BLNK: variants seen among roughly 807,000 people sequenced by gnomAD.
BLNK encodes the protein B-cell linker protein.
A neutral mutation model predicts 73.5 loss-of-function variants in BLNK; 29 were observed. The ratio of observed to expected loss-of-function variants is 0.39; its 90% confidence interval spans 0.29 to 0.54. BLNK has a LOEUF of 0.54. Among genes scored for constraint, BLNK ranks in the 20% least tolerant of loss-of-function variants. The probability of loss-of-function intolerance (pLI) is 0.61; values close to 1 mark genes in which losing one functional copy is unlikely to be tolerated. For synonymous variants in BLNK, 176 were observed against 200.8 expected (o/e 0.88, Z 1.04); for missense variants, 460 against 562.8 (o/e 0.82, Z 1.85).
At chr10:96,204,875 A>C in intron 11 of BLNK, 1 of 430,154 alleles carries the variant, frequency 2.3e-6, no homozygotes, top group Non-Finnish European at 4.4e-6. Flanking sequence ...GTACATAGAG[A>C]CTGAACCCAC....
At chr10:96,248,285 C>A (rs1239156980) in intron 1 of BLNK, among the ~76,000 whole-genome samples, 3 of 152,124 alleles carry the variant, frequency 2.0e-5, no homozygotes, top group Non-Finnish European at 1.5e-5. Flanking sequence ...ACAAAGAAAT[C>A]TTACAACTCA....
At chr10:96,235,351 A>G (rs1040578963) in intron 3 of BLNK, among the ~76,000 whole-genome samples, 1 of 152,218 alleles carries the variant, frequency 6.6e-6, no homozygotes, top group Non-Finnish European at 1.5e-5. Flanking sequence ...TGCAATTCTC[A>G]GAACAATCTA....
intron 3 of BLNK, among the ~76,000 whole-genome samples, chr10:96,241,734 CTTT>C (rs34238526): frequency 1.1e-4 from 15 of 142,496 alleles, no homozygotes; most frequent in Admixed American, 7.0e-5. Flanking sequence ...TCTTTTCTTT[CTTT>C]TTTTTTTTTT....
intron 1 of BLNK, among the ~76,000 whole-genome samples, chr10:96,269,434 A>AC (rs766916503): frequency 4.7e-5 from 7 of 150,360 alleles, no homozygotes; most frequent in Non-Finnish European, 1.0e-4. Context: ...AAAAAAAAAA[A>AC]CATTTGGAAT....
At chr10:96,235,304 C>T (rs1269244749) in intron 3 of BLNK, among the ~76,000 whole-genome samples, 2 of 152,168 alleles carry the variant, frequency 1.3e-5, no homozygotes, top group Non-Finnish European at 2.9e-5. Context: ...GTAAAGGGCT[C>T]AATGAATGTT....
chr10:96,264,026 C>T (rs2134144688), intron 1 of BLNK, among the ~76,000 whole-genome samples: 1 of 152,216 alleles, frequency 6.6e-6, no homozygotes, highest in South Asian at 2.1e-4. Flanking sequence ...GCAGGTGAGG[C>T]CCATTTCTGG....
intron 1 of BLNK, among the ~76,000 whole-genome samples, chr10:96,250,299 CT>C (rs1321342288): frequency 6.6e-6 from 1 of 152,076 alleles, no homozygotes; most frequent in Non-Finnish European, 1.5e-5. Flanking sequence ...ATGCCAAACC[CT>C]TTTCTCCTTT....
intron 1 of BLNK, among the ~76,000 whole-genome samples, chr10:96,266,990 A>G (rs1844032917): frequency 6.6e-6 from 1 of 152,240 alleles, no homozygotes; most frequent in South Asian, 2.1e-4. Context: ...GGCAGCTGGG[A>G]AAACTGAGGT....
chr10:96,266,221 G>A (rs1843992108), intron 1 of BLNK, among the ~76,000 whole-genome samples: 1 of 152,184 alleles, frequency 6.6e-6, no homozygotes, highest in Admixed American at 6.5e-5. Context: ...GTAAATACAT[G>A]CCTGAAGAGT....
At chr10:96,262,857 G>A (rs958397890) in intron 1 of BLNK, among the ~76,000 whole-genome samples, 3 of 152,138 alleles carry the variant, frequency 2.0e-5, no homozygotes, top group Non-Finnish European at 2.9e-5. Flanking sequence ...TAAAACAAAC[G>A]TCTATGAAAA....
In BLNK at chr10:96,209,819, T is replaced by G; in HGVS notation, c.746+19A>C. 1 of 1,614,134 alleles carries G rather than the reference T, an allele frequency of 6.2e-7. No homozygotes were observed. Among genetic ancestry groups the G allele is most frequent in the Non-Finnish European group, 8.5e-7 (1 of 1,179,998 alleles). On this transcript the variant is annotated intron_variant, in intron 9 of 16. Transcript: ENST00000224337. ...CACTCCCCAGATCTCAAAAGCTGCT[T>G]CCTGCAACAGGTACTTACCCGGCCC...
At chr10:96,254,860 A>G (rs1554910605) in intron 1 of BLNK, among the ~76,000 whole-genome samples, 1 of 152,208 alleles carries the variant, frequency 6.6e-6, no homozygotes, top group African/African-American at 2.4e-5. Context: ...ATCAATTGGC[A>G]GTCTTTCTAC....
chr10:96,251,575 T>G (rs538704817), intron 1 of BLNK, among the ~76,000 whole-genome samples: 16 of 152,248 alleles, frequency 1.1e-4, no homozygotes, highest in African/African-American at 3.9e-4. Context: ...TCTAAAGTCA[T>G]AGAGAGAGAG....
intron 8 of BLNK, among the ~76,000 whole-genome samples, chr10:96,211,153 G>A (rs1398940592): frequency 1.3e-5 from 2 of 152,054 alleles, no homozygotes; most frequent in Admixed American, 1.3e-4. Context: ...AATGAGCCAC[G>A]GTGCCTGGCC....
At chr10:96,212,223 T>C (rs1321492184) in intron 8 of BLNK, among the ~76,000 whole-genome samples, 1 of 152,176 alleles carries the variant, frequency 6.6e-6, no homozygotes, top group Admixed American at 6.5e-5. Flanking sequence ...GACAGAGTTC[T>C]AGGGAAGGAT....
chr10:96,264,032 T>G (rs1457729581), intron 1 of BLNK, among the ~76,000 whole-genome samples: 1 of 152,180 alleles, frequency 6.6e-6, no homozygotes, highest in East Asian at 1.9e-4. Context: ...GAGGCCCATT[T>G]CTGGAGCAAC....
At chr10:96,204,954 T>C (rs1180806150) in intron 11 of BLNK, 4 of 338,362 alleles carry the variant, frequency 1.2e-5, no homozygotes, top group African/African-American at 2.2e-5. Context: ...AGCCACCCTC[T>C]AAACAACTCA....
intron 6 of BLNK, among the ~76,000 whole-genome samples, chr10:96,222,241 T>C (rs2084213979): frequency 6.6e-6 from 1 of 152,250 alleles, no homozygotes; most frequent in Non-Finnish European, 1.5e-5. Flanking sequence ...AATTTGGGCC[T>C]AGATGCTGCA....
intron 13 of BLNK, among the ~76,000 whole-genome samples, chr10:96,202,746 C>T (rs2083678444): frequency 6.6e-6 from 1 of 152,170 alleles, no homozygotes; most frequent in Admixed American, 6.5e-5. Flanking sequence ...CCTAGGTGCA[C>T]AGTGCAGGGC....
Sources: gnomAD v4.1 joint callset for allele counts (sites outside exome capture counted in the v4.1 genomes callset) on GRCh38, gnomAD v4.1.1 for gene constraint, MANE v1.5 for transcripts, NCBI Gene and HGNC (gene_info 2026-07-23, HGNC 2026-07-21) for gene names.